The following XPO5 variants were observed in gnomAD, a reference collection of about 807,000 sequenced individuals.
XPO5 encodes exportin 5, also known as exportin-5.
XPO5 carries 46 observed loss-of-function variants against 160.6 expected under a neutral mutation model. The ratio of observed to expected loss-of-function variants is 0.29; its 90% CI spans 0.23 to 0.37. The LOEUF (loss-of-function observed/expected upper bound fraction) is 0.37, where lower values mean the gene tolerates loss of function less well. Ranked by LOEUF, XPO5 falls within the 10% of genes least tolerant of loss-of-function variation. XPO5 has a pLI of 1.00. For missense variants in XPO5, 1,090 were observed against 1,463.9 expected (o/e 0.74, Z 4.17); for synonymous variants, 537 against 519.3 (o/e 1.03, Z -0.46).
chr6:43,544,195 C>T, intron 20 of XPO5: 1 of 164,186 alleles, frequency 6.1e-6, no homozygotes, highest in Admixed American at 6.0e-5. Flanking sequence ...CTGCTGTTAG[C>T]CTCCTAAATG....
chr6:43,540,046 G>A (rs1794603040), intron 20 of XPO5, among the ~76,000 whole-genome samples: 1 of 152,224 alleles, frequency 6.6e-6, no homozygotes, highest in Admixed American at 6.5e-5. Flanking sequence ...CCTGAGATCA[G>A]GAGTTTGAGA....
intron 2 of XPO5, 80 bp downstream of exon 2, chr6:43,573,400 A>T: frequency 6.4e-7 from 1 of 1,567,224 alleles, no homozygotes; most frequent in South Asian, 1.2e-5. Context: ...CTACTCACCT[A>T]AACAGCATCT....
chr6:43,524,405 T>G, intron 31 of XPO5, 66 bp downstream of exon 31: 1 of 1,551,152 alleles, frequency 6.4e-7, no homozygotes, highest in Non-Finnish European at 8.7e-7. Flanking sequence ...ACAGCTGGTT[T>G]ATGGTTTGCC....
At chr6:43,539,139 C>A (rs557510416) in intron 20 of XPO5, 2 of 1,165,360 alleles carry the variant, frequency 1.7e-6, no homozygotes, top group Non-Finnish European at 2.5e-6. Context: ...AGCACAGAGC[C>A]ACGGCGGCCT....
intron 17 of XPO5, 54 bp downstream of exon 17, chr6:43,549,432 GATT>G: frequency 6.6e-7 from 1 of 1,512,216 alleles, no homozygotes; most frequent in Admixed American, 2.1e-5. Flanking sequence ...CTGAAAGCTG[GATT>G]TACACACAAA....
At chr6:43,548,519 T>C (rs1795073508) in intron 17 of XPO5, 59 bp from the exon 18 acceptor site, 12 of 1,399,770 alleles carry the variant, frequency 8.6e-6, no homozygotes, top group East Asian at 2.5e-5. Context: ...CAAGGAGAGG[T>C]GGCTTACTCA....
At chr6:43,557,454 ATGT>A (rs778404843) in intron 12 of XPO5, among the ~76,000 whole-genome samples, 17 of 152,156 alleles carry the variant, frequency 1.1e-4, no homozygotes, top group African/African-American at 1.9e-4. Context: ...GTACTGATAA[ATGT>A]TGTAACTTGG....
intron 29 of XPO5, 23 bp downstream of exon 29, chr6:43,525,084 G>A (rs774707239): frequency 9.6e-6 from 15 of 1,569,628 alleles, no homozygotes; most frequent in African/African-American, 1.4e-5. Flanking sequence ...TGAGGGGCAG[G>A]GAAAAGGGGT....
Position 43,560,087 on chromosome 6 carries a change from G to A in XPO5, c.1221+91C>T, listed in dbSNP as rs999943499. The A allele has an allele frequency of 3.4e-6, 5 of 1,459,454 alleles. No homozygotes were observed. The African/African-American group carries it at 7.0e-5, about 20-fold the overall frequency. The allele number at this position is 1,459,454 out of a possible 1,614,324, so 90.4% of individuals were successfully genotyped here. On this transcript the variant is annotated intron_variant, in intron 11 of 31. Coordinates refer to ENST00000265351, the MANE Select transcript of XPO5 (RefSeq NM_020750.3). Reference sequence around the variant, plus strand: ...TCCCGCCTCAGCCTTCCATAGAGCTGGGATTATAGGCGTGAGCCACCGCAC... The same window carrying A: ...TCCCGCCTCAGCCTTCCATAGAGCTAGGATTATAGGCGTGAGCCACCGCAC...
intron 8 of XPO5, among the ~76,000 whole-genome samples, chr6:43,563,430 C>T (rs991259260): frequency 2.0e-5 from 3 of 152,274 alleles, no homozygotes; most frequent in African/African-American, 7.2e-5. Flanking sequence ...CCATTGGGCC[C>T]GGCCTTGCTT....
intron 20 of XPO5, among the ~76,000 whole-genome samples, chr6:43,535,019 G>A (rs917305061): frequency 6.7e-6 from 1 of 149,782 alleles, no homozygotes. Flanking sequence ...AAGGCCAGGC[G>A]CAGTGGCTCA....
At chr6:43,570,101 A>G (rs1482117458) in intron 5 of XPO5, among the ~76,000 whole-genome samples, 2 of 145,478 alleles carry the variant, frequency 1.4e-5, no homozygotes, top group African/African-American at 2.6e-5. Flanking sequence ...TCATGAGGTC[A>G]GGAGATCAAG....
At chr6:43,572,354 GGT>G (rs1763052988) in intron 3 of XPO5, among the ~76,000 whole-genome samples, 150 bp downstream of exon 3, 1 of 152,230 alleles carries the variant, frequency 6.6e-6, no homozygotes, top group African/African-American at 2.4e-5. Flanking sequence ...TAGAATTACA[GGT>G]GTGAGTCACT....
Position 43,530,815 on chromosome 6 carries a change from G to C in XPO5, c.2550C>G (p.Ile850Met). Residue 850 changes from isoleucine to methionine, a missense_variant, in exon 23 of 32, where the codon ATC becomes ATG. Transcript: ENST00000265351. ...FSTLYENCFH[I>M]LGKAGPSMQQ... The stretch of plus-strand genomic sequence containing the variant: ...GCATGGAAGGGCCTGCCTTCCCTAG[G>C]ATATGAAAACTGTAAAGGGGAAAAA... The C allele has an allele frequency of 6.2e-7, 1 of 1,612,036 alleles. No individual in the cohort carries two copies.
chr6:43,559,637 G>A (rs907737506), intron 11 of XPO5, among the ~76,000 whole-genome samples: 2 of 152,140 alleles, frequency 1.3e-5, no homozygotes, highest in African/African-American at 4.8e-5. Flanking sequence ...TTATTACATT[G>A]TATGGTCACT....
intron 20 of XPO5, among the ~76,000 whole-genome samples, chr6:43,538,111 A>T (rs901359247): frequency 7.0e-6 from 1 of 142,196 alleles, no homozygotes. Flanking sequence ...AAGGCAAGGA[A>T]CTTATAAATT....
chr6:43,575,847 T>C lies in XPO5; in HGVS notation c.18A>G (p.Val6=). The C allele has an allele frequency of 6.2e-7, 1 of 1,613,754 alleles. No individual in the cohort carries two copies. The highest frequency in any genetic ancestry group is 8.5e-7 in the Non-Finnish European group (1 of 1,179,760). Residue 6 remains valine, a synonymous_variant, in exon 1 of 32, where the codon GTA becomes GTG. Transcript: ENST00000265351. ...TCACCAGCTGCTCGCACAGCGCGTT[T>C]ACTTGATCCATCGCCATGCCTAGCG... MAMDQ[V]NALCEQLVKA...
chr6:43,559,495 C>T (rs948190779), intron 11 of XPO5, among the ~76,000 whole-genome samples: 21 of 152,152 alleles, frequency 1.4e-4, no homozygotes, highest in South Asian at 8.3e-4. Context: ...ACTCTCACTC[C>T]CCTCATTTCC....
At chr6:43,545,155 G>C (rs1794902036) in intron 20 of XPO5, among the ~76,000 whole-genome samples, 1 of 151,796 alleles carries the variant, frequency 6.6e-6, no homozygotes, top group Non-Finnish European at 1.5e-5. Context: ...TTACAGGTGT[G>C]AGCCACCACA....
Sources: gnomAD v4.1 joint callset for allele counts (sites outside exome capture counted in the v4.1 genomes callset) on GRCh38, gnomAD v4.1.1 for gene constraint, MANE v1.5 for transcripts, NCBI Gene and HGNC (gene_info 2026-07-23, HGNC 2026-07-21) for gene names.